Variants in PTPRG observed in about 807,000 individuals in gnomAD.
PTPRG encodes protein tyrosine phosphatase receptor type G.
In PTPRG, 102 loss-of-function variants were observed where a neutral mutation model predicts 165.3. The ratio of observed to expected loss-of-function variants is 0.62; its 90% CI spans 0.53 to 0.73. PTPRG has a LOEUF of 0.73. PTPRG is among the 30% of genes least tolerant of loss of function. PTPRG has a pLI of 0.00. For synonymous variants in PTPRG, 675 were observed against 669.5 expected, an observed-to-expected ratio of 1.01 and a Z score of -0.13; for missense variants, 1,866 against 1,861.4, an observed-to-expected ratio of 1.00 and a Z score of -0.05.
At chr3:62,176,196 A>C (rs1210162993) in intron 8 of PTPRG, among the ~76,000 whole-genome samples, 1 of 151,956 alleles carries the variant, frequency 6.6e-6, no homozygotes, top group Non-Finnish European at 1.5e-5. Context: ...TAAAAGTATA[A>C]GTGATCATTA....
intron 2 of PTPRG, among the ~76,000 whole-genome samples, chr3:61,915,057 C>T (rs545027337): frequency 1.3e-5 from 2 of 152,236 alleles, no homozygotes; most frequent in Non-Finnish European, 2.9e-5. Flanking sequence ...GGTGAAACCC[C>T]GTCTCTACTG....
At chr3:61,758,870 A>G (rs1054091363) in intron 2 of PTPRG, among the ~76,000 whole-genome samples, 7 of 152,206 alleles carry the variant, frequency 4.6e-5, no homozygotes, top group Admixed American at 2.6e-4. Flanking sequence ...AGAATTGCCA[A>G]TATGTAGTTG....
chr3:61,824,268 T>C (rs749437604), intron 2 of PTPRG, among the ~76,000 whole-genome samples: 4 of 152,372 alleles, frequency 2.6e-5, no homozygotes, highest in Non-Finnish European at 4.4e-5. Flanking sequence ...AGAAATGACT[T>C]GTCATATTTG....
chr3:62,186,987 G>A (rs560356173), intron 8 of PTPRG, among the ~76,000 whole-genome samples: 1 of 152,322 alleles, frequency 6.6e-6, no homozygotes, highest in African/African-American at 2.4e-5. Context: ...CAGGACCTGT[G>A]GACCACGGGA....
rs1312557153 is a variant in PTPRG at position 62,245,345 on chromosome 3, T to G, written c.2467+1447T>G. ...TACTGGATTTGCACAATAGCGTGCA[T>G]ATACTTTTTCCTCTTGCTTTACCTA... On this transcript the variant is annotated intron_variant, in intron 15 of 29. Coordinates refer to ENST00000474889, the MANE Select transcript of PTPRG (RefSeq NM_002841.4). This position sits in a 1 kb window ranked among gnomAD's most constrained non-coding sequence, Gnocchi z 4.2. 6.6e-6 allele frequency among the ~76,000 whole-genome samples: 1 copy of G among 152,174 alleles called. No individual in the cohort carries two copies. Among genetic ancestry groups the G allele is most frequent in the Non-Finnish European group, 1.5e-5 (1 of 68,026 alleles).
intron 2 of PTPRG, among the ~76,000 whole-genome samples, chr3:61,827,164 T>G (rs2107278674): frequency 6.6e-6 from 1 of 152,310 alleles, no homozygotes; most frequent in South Asian, 2.1e-4. Context: ...TCAGCCTGGG[T>G]ACCCCAGTAA....
chr3:61,878,416 T>A (rs1001135559), intron 2 of PTPRG, among the ~76,000 whole-genome samples: 3 of 152,160 alleles, frequency 2.0e-5, no homozygotes, highest in Non-Finnish European at 4.4e-5. Context: ...CACCAGTGTT[T>A]TGTTGTTGTT....
chr3:62,146,971 G>C (rs1576062214), intron 6 of PTPRG, among the ~76,000 whole-genome samples: 1 of 152,270 alleles, frequency 6.6e-6, no homozygotes, highest in East Asian at 1.9e-4. Context: ...GCTACGTTGG[G>C]TGCTGGGGAT....
chr3:61,970,654 AT>A (rs891424909), intron 2 of PTPRG, among the ~76,000 whole-genome samples: 2 of 149,356 alleles, frequency 1.3e-5, no homozygotes, highest in South Asian at 2.1e-4. Flanking sequence ...CTTAACTGTG[AT>A]TTTTTTTTAA....
At chr3:62,072,743 G>A (rs763495099) in intron 4 of PTPRG, among the ~76,000 whole-genome samples, 7 of 152,054 alleles carry the variant, frequency 4.6e-5, no homozygotes, top group Non-Finnish European at 1.0e-4. Context: ...TCCTTCCCTT[G>A]CAAAAGAGAG....
At chr3:61,981,997 TGAACTA>T (rs2040653316) in intron 2 of PTPRG, among the ~76,000 whole-genome samples, 1 of 152,202 alleles carries the variant, frequency 6.6e-6, no homozygotes, top group Non-Finnish European at 1.5e-5. Context: ...TTGTTAGCCT[TGAACTA>T]GAACTCAAGT....
At chr3:62,145,994 C>T (rs1274079348) in intron 6 of PTPRG, among the ~76,000 whole-genome samples, 2 of 152,178 alleles carry the variant, frequency 1.3e-5, no homozygotes, top group East Asian at 3.9e-4. Flanking sequence ...TGAATTAGGT[C>T]ATTGACTGAG....
intron 2 of PTPRG, among the ~76,000 whole-genome samples, chr3:61,956,748 G>C (rs766923826): frequency 1.3e-5 from 2 of 152,152 alleles, no homozygotes; most frequent in Non-Finnish European, 2.9e-5. Context: ...CAATGATCAA[G>C]TACAATTACA....
At chr3:62,074,352 C>CTTTTTTTTTT (rs200189646) in intron 4 of PTPRG, among the ~76,000 whole-genome samples, 32 of 109,108 alleles carry the variant, frequency 2.9e-4, no homozygotes, top group African/African-American at 5.4e-4. Context: ...TCTTTTCTTT[C>CTTTTTTTTTT]TTTTTTTTTT....
intron 1 of PTPRG, among the ~76,000 whole-genome samples, chr3:61,604,030 A>G (rs1415716883): frequency 2.6e-5 from 4 of 152,180 alleles, no homozygotes; most frequent in Non-Finnish European, 5.9e-5. Flanking sequence ...ATTGACATAT[A>G]TTTGTCAACA....
In PTPRG at chr3:62,233,528, T is replaced by G. The variant is rs1700953611; in HGVS notation, c.2375+2217T>G. On this transcript the variant is annotated intron_variant, in intron 14 of 29. Transcript: ENST00000474889. The surrounding 1 kb of genome is among the most constrained non-coding windows in gnomAD (Gnocchi z 4.7). ...CAGGCTCTCTCTCACCTTTGCCTTT[T>G]TCATTCCGCTCTCATTTTCTTTCCT... Among the ~76,000 whole-genome samples the G allele has an allele frequency of 1.3e-5, 2 of 152,224 alleles. No individual in the cohort carries two copies. Among genetic ancestry groups the G allele is most frequent in the African/African-American group, 4.8e-5 (2 of 41,462 alleles).
At chr3:61,587,752 G>C (rs1480227444) in intron 1 of PTPRG, among the ~76,000 whole-genome samples, 1 of 152,042 alleles carries the variant, frequency 6.6e-6, no homozygotes, top group Non-Finnish European at 1.5e-5. Flanking sequence ...AACCACCTGG[G>C]CTCAAGCAAT....
At chr3:62,258,495 T>C (rs1287076374) in intron 16 of PTPRG, among the ~76,000 whole-genome samples, 1 of 152,252 alleles carries the variant, frequency 6.6e-6, no homozygotes, top group East Asian at 1.9e-4. Flanking sequence ...AAGGCATCTA[T>C]GTATTTTCAT....
At chr3:61,719,257 G>C (rs1030500604) in intron 1 of PTPRG, among the ~76,000 whole-genome samples, 1 of 152,216 alleles carries the variant, frequency 6.6e-6, no homozygotes, top group African/African-American at 2.4e-5. Context: ...TTTCTATGAA[G>C]ATGTAATCGA....
Sources: gnomAD v4.1 joint callset for allele counts (sites outside exome capture counted in the v4.1 genomes callset) on GRCh38, gnomAD v4.1.1 for gene constraint, Gnocchi (gnomAD v3.1) non-coding constraint, MANE v1.5 for transcripts, NCBI Gene and HGNC (gene_info 2026-07-23, HGNC 2026-07-21) for gene names.